Variants in MYO10 observed in about 807,000 individuals in gnomAD.
The protein encoded by MYO10 is unconventional myosin-X.
A neutral mutation model predicts 257.3 loss-of-function variants in MYO10; 133 were observed. That is an observed-to-expected ratio of 0.52 (90% confidence interval 0.45 to 0.60). The LOEUF (loss-of-function observed/expected upper bound fraction) is 0.60. MYO10 is among the 20% of genes least tolerant of loss of function. The probability of loss-of-function intolerance (pLI) is 0.00; values close to 1 mark genes in which losing one functional copy is unlikely to be tolerated. For synonymous variants in MYO10, 1,104 were observed against 1,028.6 expected (o/e 1.07, Z -1.40); for missense variants, 2,399 against 2,635.7 (o/e 0.91, Z 1.97).
intron 19 of MYO10, among the ~76,000 whole-genome samples, chr5:16,752,049 T>A (rs1187608598): frequency 6.6e-6 from 1 of 152,282 alleles, no homozygotes; most frequent in Middle Eastern, 3.4e-3. Flanking sequence ...CAAAAGCTAG[T>A]ACAATTTATA....
intron 2 of MYO10, among the ~76,000 whole-genome samples, chr5:16,846,265 A>C (rs1244923115): frequency 6.6e-6 from 1 of 152,240 alleles, no homozygotes; most frequent in Non-Finnish European, 1.5e-5. Flanking sequence ...ATGAGACTAA[A>C]CAGGATTTGG....
At chr5:16,798,329 T>G (rs1742026046) in intron 3 of MYO10, among the ~76,000 whole-genome samples, 1 of 147,328 alleles carries the variant, frequency 6.8e-6, no homozygotes, top group African/African-American at 2.5e-5. Flanking sequence ...GTTAATTTTA[T>G]GTTAAATGAA....
rs1489799626 is a variant in MYO10, at chr5:16,768,785, C to A, written c.1060+289G>T. Among the ~76,000 whole-genome samples, 13 of 150,026 alleles carry A rather than the reference C, an allele frequency of 8.7e-5. No homozygotes were observed. The Admixed American group carries it at 8.7e-4, about 10-fold the overall frequency. The stretch of plus-strand genomic sequence containing the variant: ...AACCCGCAGAGGCTCAGGTGATCCT[C>A]CCACCCTCTCCTCCCAAGCAGCTGG... On this transcript the variant is annotated intron_variant, in intron 10 of 40. Transcript: ENST00000513610.
At chr5:16,681,587 A>G in intron 31 of MYO10, 84 bp from the exon 32 acceptor site, 1 of 1,342,838 alleles carries the variant, frequency 7.4e-7, no homozygotes, top group East Asian at 2.3e-5. Flanking sequence ...ATGCTAACAC[A>G]TGGGTGGGGT....
intron 1 of MYO10, among the ~76,000 whole-genome samples, chr5:16,925,662 T>G (rs1561063270): frequency 6.6e-6 from 1 of 152,192 alleles, no homozygotes; most frequent in Non-Finnish European, 1.5e-5. Flanking sequence ...TCCACCCGCC[T>G]CGGCATCCCA....
chr5:16,815,437 G>A, intron 3 of MYO10: 1 of 700,874 alleles, frequency 1.4e-6, no homozygotes, highest in Admixed American at 2.0e-5. Flanking sequence ...GGAGTTTTTG[G>A]ATTAGGTATA....
Position 16,680,081 on chromosome 5 carries a change from C to A in MYO10, c.4408G>T (p.Gly1470Trp). The change falls in exon 33 of 41, where the codon GGG becomes TGG. Residue 1470 changes from glycine (G) to tryptophan (W), a missense_variant. Around this residue, in one of 3 missense-constraint regions of MYO10, gnomAD observed 1,820 missense variants for 1,939.4 expected, o/e 0.94. Coordinates refer to ENST00000513610, the MANE Select transcript of MYO10 (RefSeq NM_012334.3). ...ETGYWNVTVY[G>W]RKHCYRLYTK... is the part of the protein sequence containing the mutation. ...TAGAGCCGGTAACAGTGCTTGCGCCCGTACACGGTGACGTTCCAGTAGCCT... is the reference window on the plus strand; with the variant it reads ...TAGAGCCGGTAACAGTGCTTGCGCCAGTACACGGTGACGTTCCAGTAGCCT... 1 of 1,611,762 alleles carries A rather than the reference C, an allele frequency of 6.2e-7. No individual in the cohort carries two copies. Among genetic ancestry groups the A allele is most frequent in the Non-Finnish European group, 8.5e-7 (1 of 1,178,580 alleles).
chr5:16,802,091 A>G (rs1742135849), intron 3 of MYO10, among the ~76,000 whole-genome samples: 1 of 152,142 alleles, frequency 6.6e-6, no homozygotes, highest in Admixed American at 6.5e-5. Flanking sequence ...ATTGATAGAG[A>G]AAGTGGAAAT....
intron 1 of MYO10, among the ~76,000 whole-genome samples, chr5:16,886,373 T>A (rs769675084): frequency 6.6e-6 from 1 of 152,184 alleles, no homozygotes; most frequent in African/African-American, 2.4e-5. Context: ...GTTCTCTATA[T>A]AGGCAACCGC....
chr5:16,778,545 G>A (rs1045762710), intron 9 of MYO10, among the ~76,000 whole-genome samples: 3 of 152,068 alleles, frequency 2.0e-5, no homozygotes, highest in Non-Finnish European at 4.4e-5. Context: ...GGAGCCTGAC[G>A]TACGCACTGG....
chr5:16,759,198 T>C (rs866434033), intron 17 of MYO10, among the ~76,000 whole-genome samples: 2 of 152,162 alleles, frequency 1.3e-5, no homozygotes, highest in Non-Finnish European at 2.9e-5. Context: ...GTTAGGATTA[T>C]AGGCGTGAGC....
chr5:16,851,905 G>A (rs1385620100), intron 2 of MYO10, among the ~76,000 whole-genome samples: 1 of 151,916 alleles, frequency 6.6e-6, no homozygotes. Context: ...ACAAAAATTA[G>A]CTGGGCATGG....
At chr5:16,885,114 A>G (rs998406469) in intron 1 of MYO10, among the ~76,000 whole-genome samples, 3 of 152,136 alleles carry the variant, frequency 2.0e-5, no homozygotes, top group East Asian at 1.9e-4. Flanking sequence ...TTTGACAAAC[A>G]TAAGGAAAAG....
Position 16,787,823 on chromosome 5 carries a change from A to T in MYO10, c.468-4354T>A, listed in dbSNP as rs1019633908. On this transcript the variant is annotated intron_variant, in intron 4 of 40. Transcript: ENST00000513610. ...TCGTTCTTTTGTGTGTGTGTGTGTG[A>T]GTTTCGCTCTGTCTCCCAGGCTGGA... 6.6e-5 allele frequency among the ~76,000 whole-genome samples: 10 copies of T among 151,760 alleles called. No individual in the cohort carries two copies. The South Asian group carries it at 1.0e-3, about 16-fold the overall frequency.
chr5:16,781,601 G>T lies in MYO10; in HGVS notation c.727+104C>A, dbSNP rs950955914. 17 of 1,238,922 alleles carry T rather than the reference G, an allele frequency of 1.4e-5. No homozygotes were observed. In the African/African-American group the frequency reaches 2.4e-4, roughly 18 times the overall value. The allele number at this position is 1,238,922 out of a possible 1,614,324, so 76.7% of individuals were successfully genotyped here. ...AACTGTCTAATTCGTTAAAGAACCAGAGAAAGAAATGTTTCACATTCTTTT... is the reference window on the plus strand; with the variant it reads ...AACTGTCTAATTCGTTAAAGAACCATAGAAAGAAATGTTTCACATTCTTTT... On this transcript the variant is annotated intron_variant, in intron 6 of 40. Transcript: ENST00000513610.
At chr5:16,731,706 G>A (rs912864745) in intron 19 of MYO10, among the ~76,000 whole-genome samples, 10 of 152,224 alleles carry the variant, frequency 6.6e-5, no homozygotes, top group African/African-American at 2.4e-4. Context: ...AGAGAGGAAA[G>A]CGTGGACATT....
At chr5:16,691,186 C>T (rs1235905642) in intron 27 of MYO10, among the ~76,000 whole-genome samples, 1 of 150,914 alleles carries the variant, frequency 6.6e-6, no homozygotes, top group Non-Finnish European at 1.5e-5. Flanking sequence ...AGGAGAATGG[C>T]GTGAACCCAG....
intron 21 of MYO10, among the ~76,000 whole-genome samples, chr5:16,709,493 T>C (rs1303871505): frequency 1.3e-5 from 2 of 152,204 alleles, no homozygotes; most frequent in Non-Finnish European, 2.9e-5. Context: ...AGCTGCCATG[T>C]GTCAAGGAAT....
chr5:16,917,875 C>CA (rs542312399), intron 1 of MYO10, among the ~76,000 whole-genome samples: 8 of 150,254 alleles, frequency 5.3e-5, no homozygotes, highest in East Asian at 1.9e-4. Context: ...ACCCTGGGTC[C>CA]AAAAAAAAAG....
Sources: gnomAD v4.1 joint callset for allele counts (sites outside exome capture counted in the v4.1 genomes callset) on GRCh38, gnomAD v4.1.1 for gene constraint, gnomAD v4.1.1 regional missense constraint, MANE v1.5 for transcripts, NCBI Gene and HGNC (gene_info 2026-07-23, HGNC 2026-07-21) for gene names.